The following PRKG1 variants were observed in gnomAD, a reference collection of about 807,000 sequenced individuals.
The protein encoded by PRKG1 is cGMP-dependent protein kinase 1.
A neutral mutation model predicts 88.1 loss-of-function variants in PRKG1; 35 were observed. That is an observed-to-expected ratio of 0.40 (90% CI 0.30 to 0.53). The LOEUF is 0.53. Among genes scored for constraint, PRKG1 ranks in the 20% least tolerant of loss-of-function variants. The probability of loss-of-function intolerance (pLI) is 0.59; values close to 1 mark genes in which losing one functional copy is unlikely to be tolerated. For missense variants in PRKG1, 540 were observed against 839.8 expected (o/e 0.64, Z 4.41); for synonymous variants, 303 against 292.5 (o/e 1.04, Z -0.37).
At position 51,377,487 on chromosome 10, in the gene PRKG1, T is replaced by C. The variant is rs562123422; in HGVS notation, c.479-90236T>C. On this transcript the variant is annotated intron_variant, in intron 2 of 17. Transcript: ENST00000373980. ...GTTTGCTGGAAACATTAGCAGCAGCTAGTGGTAGCCTGGGCTCTGCTAGCA... is the reference window on the plus strand; with the variant it reads ...GTTTGCTGGAAACATTAGCAGCAGCCAGTGGTAGCCTGGGCTCTGCTAGCA... Among the ~76,000 whole-genome samples the C allele has an allele frequency of 1.5e-4, 23 of 152,296 alleles. No homozygotes were observed. The South Asian group carries it at 4.6e-3, about 30-fold the overall frequency.
chr10:51,043,844 C>T (rs1265314482), intron 1 of PRKG1, among the ~76,000 whole-genome samples: 3 of 152,238 alleles, frequency 2.0e-5, no homozygotes, highest in Middle Eastern at 3.4e-3. Flanking sequence ...ATGGGGAGAG[C>T]ATATCTAGAG....
In PRKG1 at chr10:51,907,516, A is replaced by T. The variant is rs997120207; in HGVS notation, c.708A>T (p.Thr236=). 15 of 1,613,430 alleles carry T rather than the reference A, an allele frequency of 9.3e-6. No individual in the cohort carries two copies. Among genetic ancestry groups the T allele is most frequent in the Non-Finnish European group, 1.2e-5 (14 of 1,179,596 alleles). ...CTGTTTTGTTTTTCAGCGTTCCAAC[A>T]TTCCAGAGCCTTCCTGAAGAGATCC... The part of the protein sequence containing the change: ...EYMEFLKSVP[T]FQSLPEEILS... Residue 236 remains threonine (T), a synonymous_variant, in exon 5 of 18, where the codon ACA becomes ACT. Coordinates refer to ENST00000373980, the MANE Select transcript of PRKG1 (RefSeq NM_006258.4).
chr10:52,038,786 C>T (rs1845682584), intron 5 of PRKG1, among the ~76,000 whole-genome samples: 1 of 152,098 alleles, frequency 6.6e-6, no homozygotes. Flanking sequence ...GGCTGCCTTC[C>T]CAGTCCGTGA....
At chr10:51,597,793 T>C (rs773413118) in intron 3 of PRKG1, among the ~76,000 whole-genome samples, 1 of 152,180 alleles carries the variant, frequency 6.6e-6, no homozygotes, top group Non-Finnish European at 1.5e-5. Flanking sequence ...ATATTACTTA[T>C]ATAAGCACAA....
intron 10 of PRKG1, among the ~76,000 whole-genome samples, chr10:52,263,695 C>T (rs117127689): frequency 1.3e-5 from 2 of 151,832 alleles, no homozygotes; most frequent in Non-Finnish European, 2.9e-5. Context: ...CCACCTCATC[C>T]TCCCAAGTAG....
At chr10:51,573,400 A>T (rs1230217277) in intron 3 of PRKG1, among the ~76,000 whole-genome samples, 1 of 151,930 alleles carries the variant, frequency 6.6e-6, no homozygotes, top group Admixed American at 6.6e-5. Context: ...ACTCTGAATG[A>T]TATATAAATT....
chr10:51,167,390 G>T (rs1846576854), intron 2 of PRKG1, among the ~76,000 whole-genome samples: 1 of 152,170 alleles, frequency 6.6e-6, no homozygotes, highest in Admixed American at 6.5e-5. Context: ...ATGAGGCCAG[G>T]TTGGAATGGT....
intron 2 of PRKG1, among the ~76,000 whole-genome samples, chr10:51,391,203 G>A (rs1393619615): frequency 6.6e-6 from 1 of 152,174 alleles, no homozygotes; most frequent in Non-Finnish European, 1.5e-5. Context: ...ACACATTGCT[G>A]CCTTCTTAGT....
intron 6 of PRKG1, among the ~76,000 whole-genome samples, chr10:52,062,329 A>G (rs979806119): frequency 2.6e-5 from 4 of 152,216 alleles, no homozygotes; most frequent in African/African-American, 9.6e-5. Context: ...ATAACTTGAA[A>G]GGATAACAAA....
chr10:52,227,653 T>C (rs965604058), intron 9 of PRKG1, among the ~76,000 whole-genome samples: 6 of 152,150 alleles, frequency 3.9e-5, no homozygotes, highest in Non-Finnish European at 7.4e-5. Flanking sequence ...AAGGGATGAC[T>C]GTATGTTCTA....
At chr10:51,794,004 T>C (rs1838943201) in intron 3 of PRKG1, among the ~76,000 whole-genome samples, 1 of 152,054 alleles carries the variant, frequency 6.6e-6, no homozygotes, top group South Asian at 2.1e-4. Context: ...CCTCAGTTGA[T>C]CTGCCCAGCT....
chr10:51,582,338 G>A (rs922876680), intron 3 of PRKG1, among the ~76,000 whole-genome samples: 2 of 152,034 alleles, frequency 1.3e-5, no homozygotes, highest in Non-Finnish European at 2.9e-5. Flanking sequence ...TGTAATTTAA[G>A]TTCCAGGGCA....
intron 1 of PRKG1, among the ~76,000 whole-genome samples, chr10:51,131,868 A>C (rs1289833625): frequency 1.3e-5 from 2 of 151,620 alleles, no homozygotes; most frequent in African/African-American, 4.8e-5. Context: ...ATCCATTTGC[A>C]TTTTTTGGAG....
chr10:51,270,796 T>A (rs2132176376), intron 2 of PRKG1, among the ~76,000 whole-genome samples: 1 of 152,296 alleles, frequency 6.6e-6, no homozygotes, highest in Non-Finnish European at 1.5e-5. Flanking sequence ...CTAGTTGTCA[T>A]GAAACTGAGA....
chr10:51,426,880 G>T (rs1246509660), intron 2 of PRKG1, among the ~76,000 whole-genome samples: 1 of 152,152 alleles, frequency 6.6e-6, no homozygotes, highest in Non-Finnish European at 1.5e-5. Context: ...AGGGCAAGCA[G>T]GTGGTCTGCC....
chr10:51,709,211 TCA>T (rs1054641407), intron 3 of PRKG1, among the ~76,000 whole-genome samples: 9 of 152,242 alleles, frequency 5.9e-5, no homozygotes, highest in African/African-American at 1.7e-4. Flanking sequence ...AGCCACCAAT[TCA>T]CAGTTTTTAG....
At chr10:51,940,416 G>T (rs1335563604) in intron 5 of PRKG1, among the ~76,000 whole-genome samples, 2 of 151,796 alleles carry the variant, frequency 1.3e-5, no homozygotes, top group African/African-American at 4.9e-5. Context: ...TAACTCTACT[G>T]CTATGGAAAA....
chr10:51,764,302 G>A (rs2132533183), intron 3 of PRKG1, among the ~76,000 whole-genome samples: 1 of 152,256 alleles, frequency 6.6e-6, no homozygotes, highest in Non-Finnish European at 1.5e-5. Flanking sequence ...GTTAGTGTAG[G>A]GAGTCTCTGA....
chr10:52,291,866 C>G (rs534827484), intron 17 of PRKG1, among the ~76,000 whole-genome samples: 15 of 152,136 alleles, frequency 9.9e-5, no homozygotes, highest in African/African-American at 3.1e-4. Context: ...TACAGTCCCA[C>G]CAACAGTGTA....
Sources: gnomAD v4.1 joint callset for allele counts (sites outside exome capture counted in the v4.1 genomes callset) on GRCh38, gnomAD v4.1.1 for gene constraint, MANE v1.5 for transcripts, NCBI Gene and HGNC (gene_info 2026-07-23, HGNC 2026-07-21) for gene names.